Variants in SON observed in about 807,000 individuals in gnomAD.
SON encodes SON DNA and RNA binding protein.
In SON, 4 loss-of-function variants were observed where a neutral mutation model predicts 173.3. The observed-to-expected ratio is 0.02, with a 90% CI of 0.01 to 0.05. The LOEUF (loss-of-function observed/expected upper bound fraction) is 0.05. Among genes scored for constraint, SON ranks in the 10% least tolerant of loss-of-function variants. The probability of loss-of-function intolerance (pLI) is 1.00; values close to 1 mark genes in which losing one functional copy is unlikely to be tolerated. For missense variants in SON, 2,626 were observed against 3,055.3 expected (o/e 0.86, Z 3.31); for synonymous variants, 1,190 against 1,105.9 (o/e 1.08, Z -1.51).
At chr21:33,561,962 C>T (rs1369371690) in intron 6 of SON, among the ~76,000 whole-genome samples, 1 of 151,990 alleles carries the variant, frequency 6.6e-6, no homozygotes, top group Non-Finnish European at 1.5e-5. Context: ...TGATATAAAA[C>T]CTCTTTAAGC....
chr21:33,556,098 A>G (rs991159513), intron 3 of SON, among the ~76,000 whole-genome samples: 1 of 152,242 alleles, frequency 6.6e-6, no homozygotes, highest in Admixed American at 6.5e-5. Flanking sequence ...TCCTTATCCC[A>G]GTATACTGGA....
In SON at chr21:33,550,343, A is replaced by C. The variant is rs776399682; in HGVS notation, c.1112A>C (p.Glu371Ala). The change falls in exon 3 of 12, where the codon GAG (glutamate) becomes GCG (alanine). Residue 371 changes from glutamate to alanine, a missense_variant. Glu to Ala is a moderately radical substitution (Grantham distance 107). Transcript: ENST00000356577. ...LPELPKTTAL[E>A]LQESSVASAM... Reference sequence around the variant, plus strand: ...GAGCTGCCTAAGACCACAGCGTTGGAGCTGCAGGAGTCGTCGGTGGCCTCA... The same window carrying C: ...GAGCTGCCTAAGACCACAGCGTTGGCGCTGCAGGAGTCGTCGGTGGCCTCA... The C allele has an allele frequency of 6.2e-6, 10 of 1,613,968 alleles. No homozygotes were observed. The highest frequency in any genetic ancestry group is 8.5e-6 in the Non-Finnish European group (10 of 1,180,018).
Position 33,576,569 on chromosome 21 carries a change from G to A in SON, c.*145G>A, listed in dbSNP as rs1306556046. ...GCCACTTGCTTCAGGAGTGCCTCACGTAGATAGATTGAGGTTTTATAATAA... is the reference window on the plus strand; with the variant it reads ...GCCACTTGCTTCAGGAGTGCCTCACATAGATAGATTGAGGTTTTATAATAA... On this transcript the variant is annotated 3_prime_UTR_variant, in exon 12 of 12. Transcript: ENST00000356577. 2.6e-6 allele frequency: 2 copies of A among 757,006 alleles called. No homozygotes were observed. The highest frequency in any genetic ancestry group is 1.7e-5 in the African/African-American group (1 of 58,258). The allele number at this position is 757,006 out of a possible 1,614,324, so 46.9% of individuals were successfully genotyped here.
At chr21:33,562,229 T>C (rs1342206351) in intron 6 of SON, among the ~76,000 whole-genome samples, 1 of 152,228 alleles carries the variant, frequency 6.6e-6, no homozygotes, top group Non-Finnish European at 1.5e-5. Flanking sequence ...ATTAGTGTTA[T>C]ATATACCAAT....
intron 6 of SON, among the ~76,000 whole-genome samples, chr21:33,563,226 G>C (rs1036779456): frequency 2.0e-5 from 3 of 151,990 alleles, no homozygotes; most frequent in Non-Finnish European, 4.4e-5. Context: ...CATTTAGTAG[G>C]TTATCTATTT....
At position 33,550,581 on chromosome 21, in the gene SON, G is replaced by A. The variant is rs200678788; in HGVS notation, c.1350G>A (p.Ser450=). 15 of 1,613,830 alleles carry A rather than the reference G, an allele frequency of 9.3e-6. No homozygotes were observed. The highest frequency in any genetic ancestry group is 5.0e-5 in the Admixed American group (3 of 59,996). ...GPSVTPVPQL[S]QELPGLPAPS... is the part of the protein sequence containing the mutation. ...CTGTGACACCAGTGCCACAGTTGTCGCAGGAATTGCCAGGGCTTCCAGCAC... is the reference window on the plus strand; with the variant it reads ...CTGTGACACCAGTGCCACAGTTGTCACAGGAATTGCCAGGGCTTCCAGCAC... Residue 450 remains serine, a synonymous_variant, in exon 3 of 12, where the codon TCG becomes TCA. Coordinates refer to ENST00000356577, the MANE Select transcript of SON (RefSeq NM_138927.4).
At position 33,559,116 on chromosome 21, in the gene SON, A is replaced by G; in HGVS notation, c.6322-114A>G. On this transcript the variant is annotated intron_variant, in intron 4 of 11. Coordinates refer to ENST00000356577, the MANE Select transcript of SON (RefSeq NM_138927.4). This position sits in a 1 kb window ranked among gnomAD's most constrained non-coding sequence, Gnocchi z 4.1. ...ATGCCAAGTTACGTATCTATAACCT[A>G]TCATGAATCTTGTTTAACTTTGGAA... 3 of 801,416 alleles carry G rather than the reference A, an allele frequency of 3.7e-6. No homozygotes were observed. The highest frequency in any genetic ancestry group is 5.8e-6 in the Non-Finnish European group (3 of 519,564). The allele number at this position is 801,416 out of a possible 1,614,324, so 49.6% of individuals were successfully genotyped here.
rs867008950 is a variant in SON at position 33,553,303 on chromosome 21, G to A, written c.4072G>A (p.Ala1358Thr). ...GGCTGCCCCAGAGTCTTCAGCTATG[G>A]CTGTCCTGGAGTCTTCGGCTGTGAC... ...AMAAPESSAM[A>T]VLESSAVTVL... is the part of the protein sequence containing the mutation. The change falls in exon 3 of 12, where the codon GCT (alanine) becomes ACT (threonine). Residue 1358 changes from alanine (A) to threonine (T), a missense_variant. Coordinates refer to ENST00000356577, the MANE Select transcript of SON (RefSeq NM_138927.4). 3 of 1,614,028 alleles carry A rather than the reference G, an allele frequency of 1.9e-6. No homozygotes were observed. Among genetic ancestry groups the A allele is most frequent in the African/African-American group, 2.7e-5 (2 of 74,924 alleles).
intron 1 of SON, among the ~76,000 whole-genome samples, chr21:33,544,295 C>G (rs2085555201): frequency 1.3e-5 from 2 of 152,146 alleles, no homozygotes; most frequent in Non-Finnish European, 2.9e-5. Context: ...ACTCACATTG[C>G]TTTTTAAATT....
At chr21:33,546,113 T>G (rs1050707255) in intron 1 of SON, 100 bp from the exon 2 acceptor site, 3 of 948,754 alleles carry the variant, frequency 3.2e-6, no homozygotes, top group Non-Finnish European at 4.6e-6. Context: ...AGGTAAAACA[T>G]CTGACAGTCA....
intron 9 of SON, 21 bp from the exon 10 acceptor site, chr21:33,575,575 G>C (rs1278391428): frequency 6.9e-6 from 11 of 1,591,522 alleles, no homozygotes; most frequent in Non-Finnish European, 8.6e-6. Flanking sequence ...AATTTATTTA[G>C]TGAACAATTT....
chr21:33,551,669 C>T lies in SON; in HGVS notation c.2438C>T (p.Ser813Phe). 1 of 1,612,474 alleles carries T rather than the reference C, an allele frequency of 6.2e-7. No homozygotes were observed. The highest frequency in any genetic ancestry group is 8.5e-7 in the Non-Finnish European group (1 of 1,179,990). Residue 813 changes from serine (S) to phenylalanine (F), a missense_variant, in exon 3 of 12, where the codon TCC (serine) becomes TTC (phenylalanine). This residue lies in a region of SON where 38 missense variants were observed against 92.1 expected (regional missense o/e 0.41). Coordinates refer to ENST00000356577, the MANE Select transcript of SON (RefSeq NM_138927.4). ...SQMLATSSMD[S>F]QMLATSSMDS... ...ATGTTAGCAACCAGCTCCATGGACTCCCAGATGTTAGCAACCAGCTCCATG... is the reference window on the plus strand; with the variant it reads ...ATGTTAGCAACCAGCTCCATGGACTTCCAGATGTTAGCAACCAGCTCCATG...
At chr21:33,569,495 T>C (rs1011008208) in intron 8 of SON, 2 of 370,230 alleles carry the variant, frequency 5.4e-6, no homozygotes, top group Non-Finnish European at 1.1e-5. Flanking sequence ...TTTTAGTGGA[T>C]CACTGCCCCC....
intron 7 of SON, among the ~76,000 whole-genome samples, chr21:33,568,410 C>T (rs977947767): frequency 1.3e-5 from 2 of 152,144 alleles, no homozygotes; most frequent in Admixed American, 1.3e-4. Context: ...GCAGGAGAAT[C>T]GCTTGAACTC....
Position 33,553,630 on chromosome 21 carries a change from A to C in SON, c.4399A>C (p.Ile1467Leu). 5 of 1,613,828 alleles carry C rather than the reference A, an allele frequency of 3.1e-6. No individual in the cohort carries two copies. The highest frequency in any genetic ancestry group is 4.2e-6 in the Non-Finnish European group (5 of 1,179,750). ...TCAAGTAATACCAACTGAGGTGGCT[A>C]TAGAGTCCACACCAATGATACTGGA... ...QTQVIPTEVAIESTPMILESS... is the reference protein window; with the variant it reads ...QTQVIPTEVALESTPMILESS... Residue 1467 changes from isoleucine to leucine, a missense_variant, in exon 3 of 12, where the codon ATA (isoleucine) becomes CTA (leucine). Transcript: ENST00000356577.
In SON at chr21:33,576,399, G is replaced by A. The variant is rs751450885; in HGVS notation, c.7256G>A (p.Cys2419Tyr). The A allele has an allele frequency of 3.3e-6, 5 of 1,520,858 alleles. No individual in the cohort carries two copies. The East Asian group carries it at 9.0e-5, about 27-fold the overall frequency. The allele number at this position is 1,520,858 out of a possible 1,614,324, so 94.2% of individuals were successfully genotyped here. Residue 2419 changes from cysteine (C) to tyrosine (Y), a missense_variant, in exon 12 of 12, where the codon TGT becomes TAT. Transcript: ENST00000356577. ...LRNGALTRPN[C>Y]MFFLNRY The stretch of plus-strand genomic sequence containing the variant: ...AATGGAGCCCTTACCAGACCCAATT[G>A]TATGTTTTTCTTGAATAGGTATTGA...
At position 33,553,067 on chromosome 21, in the gene SON, G is replaced by T. The variant is rs145125297; in HGVS notation, c.3836G>T (p.Arg1279Ile). The change falls in exon 3 of 12, where the codon AGA becomes ATA. Residue 1279 changes from arginine to isoleucine, a missense_variant. Transcript: ENST00000356577. ...GAAGAACATGAAGTTGTTCCAGAGA[G>T]ACCAGTGACTTGTATGGTATCTGAA... ...VAEEHEVVPE[R>I]PVTCMVSETP... is the part of the protein sequence containing the mutation. The T allele has an allele frequency of 4.3e-6, 7 of 1,613,376 alleles. No homozygotes were observed. The highest frequency in any genetic ancestry group is 3.3e-4 in the Middle Eastern group (2 of 6,062).
chr21:33,569,380 C>T (rs2086235921), intron 8 of SON: 1 of 359,966 alleles, frequency 2.8e-6, no homozygotes, highest in Admixed American at 4.6e-5. Context: ...GTATCAGGTG[C>T]TGTTCAGAAT....
chr21:33,554,634 A>C lies in SON; in HGVS notation c.5403A>C (p.Glu1801Asp). The C allele has an allele frequency of 6.2e-7, 1 of 1,613,228 alleles. No individual in the cohort carries two copies. The highest frequency in any genetic ancestry group is 8.5e-7 in the Non-Finnish European group (1 of 1,179,856). ...TTGTAAAAGTTAAGGACACTCACGA[A>C]AAAAGCAAGAAAAATAAGAACCGTG... is the stretch of plus-strand genomic sequence containing the variant. ...EIFVKVKDTH[E>D]KSKKNKNRDK... The change falls in exon 3 of 12, where the codon GAA (glutamate) becomes GAC (aspartate). Residue 1801 changes from glutamate to aspartate, a missense_variant. By Grantham distance (45) the Glu-to-Asp change is conservative. Around this residue, in one of 13 missense-constraint regions of SON, gnomAD observed 1,006 missense variants for 895.6 expected, o/e 1.12. Transcript: ENST00000356577.
Sources: allele counts gnomAD v4.1 joint callset (sites outside exome capture counted in the v4.1 genomes callset), GRCh38; gene constraint gnomAD v4.1.1; regional missense constraint gnomAD v4.1.1; non-coding constraint Gnocchi (gnomAD v3.1); transcripts MANE v1.5; gene names NCBI Gene and HGNC (gene_info 2026-07-23, HGNC 2026-07-21).